TNFAIP6: variants seen among roughly 807,000 people sequenced by gnomAD.
The protein encoded by TNFAIP6 is TNF alpha induced protein 6.
Under a neutral mutation model 33.7 loss-of-function variants are expected in TNFAIP6, and 36 were observed. That is an observed-to-expected ratio of 1.07 (90% confidence interval 0.82 to 1.41). The LOEUF is 1.41. Among genes scored for constraint, TNFAIP6 ranks in the 40% most tolerant of loss-of-function variants. The pLI, the probability that TNFAIP6 is intolerant of heterozygous loss-of-function variation, is 0.00. For missense variants in TNFAIP6, 273 were observed against 331.9 expected (o/e 0.82, Z 1.38); for synonymous variants, 113 against 112.8 (o/e 1.00, Z -0.01).
chr2:151,367,869 T>A (rs199701203), intron 3 of TNFAIP6, among the ~76,000 whole-genome samples: 180 of 151,324 alleles, frequency 1.2e-3, no homozygotes, highest in African/African-American at 4.2e-3. Context: ...AAAAAAAAAA[T>A]AATGGCTTCA....
intron 5 of TNFAIP6, among the ~76,000 whole-genome samples, chr2:151,377,200 C>T (rs1010587732): frequency 6.1e-5 from 9 of 146,856 alleles, no homozygotes; most frequent in South Asian, 2.1e-4. Flanking sequence ...GAGTGAGTCT[C>T]GCTCTGTCGC....
rs903730413 is a variant in TNFAIP6, at chr2:151,379,421, A to G, written c.722A>G (p.Gln241Arg). Reference sequence around the variant, plus strand: ...GCTTCAGTGACAGCTGGAGGTTTCCAAATCAAATATGTTGCAATGGATCCT... The same window carrying G: ...GCTTCAGTGACAGCTGGAGGTTTCCGAATCAAATATGTTGCAATGGATCCT... ...SDASVTAGGFQIKYVAMDPVS... is the reference protein window; with the variant it reads ...SDASVTAGGFRIKYVAMDPVS... Residue 241 changes from glutamine to arginine, a missense_variant, in exon 6 of 6, where the codon CAA becomes CGA. By Grantham distance (43) the Gln-to-Arg change is conservative (BLOSUM62 1). Transcript: ENST00000243347. The G allele has an allele frequency of 1.2e-5, 19 of 1,610,138 alleles. No individual in the cohort carries two copies. The highest frequency in any genetic ancestry group is 1.6e-5 in the Non-Finnish European group (19 of 1,178,440).
intron 1 of TNFAIP6, among the ~76,000 whole-genome samples, chr2:151,361,337 A>C (rs2152011889): frequency 6.6e-6 from 1 of 152,228 alleles, no homozygotes. Context: ...CAGCCTCCCA[A>C]AGTGCTGGAA....
intron 5 of TNFAIP6, among the ~76,000 whole-genome samples, chr2:151,377,737 T>G (rs1684941430): frequency 6.6e-6 from 1 of 152,238 alleles, no homozygotes; most frequent in Non-Finnish European, 1.5e-5. Flanking sequence ...TTTCTCTTTT[T>G]TATTTCTTTG....
intron 5 of TNFAIP6, among the ~76,000 whole-genome samples, chr2:151,377,075 G>A (rs1287381379): frequency 6.6e-6 from 1 of 151,968 alleles, no homozygotes; most frequent in Non-Finnish European, 1.5e-5. Context: ...CTGAATTCAA[G>A]CTGTCCTCCT....
In TNFAIP6 at chr2:151,369,950, T is replaced by A. The variant is rs537117546; in HGVS notation, c.395-70T>A. The A allele has an allele frequency of 1.3e-5, 16 of 1,198,066 alleles. No homozygotes were observed. The South Asian group carries it at 2.1e-4, about 16-fold the overall frequency. The allele number at this position is 1,198,066 out of a possible 1,614,324, so 74.2% of individuals were successfully genotyped here. On this transcript the variant is annotated intron_variant, in intron 3 of 5. Transcript: ENST00000243347. Reference sequence around the variant, plus strand: ...AAAAGTAATAGATTGCTAAGAAATGTCATTTTTAACAGGGATAATGTTTTT... The same window carrying A: ...AAAAGTAATAGATTGCTAAGAAATGACATTTTTAACAGGGATAATGTTTTT...
Position 151,357,655 on chromosome 2 carries a change from A to G in TNFAIP6, c.-12A>G, listed in dbSNP as rs374471631. ...GCCCCTAACAGGCTGTTACTTCACT[A>G]CAACTGACGATATGATCATCTTAAT... On this transcript the variant is annotated 5_prime_UTR_variant, in exon 1 of 6. Transcript: ENST00000243347. The G allele has an allele frequency of 4.1e-5, 65 of 1,573,136 alleles. No individual in the cohort carries two copies. The highest frequency in any genetic ancestry group is 5.4e-5 in the Non-Finnish European group (62 of 1,143,110).
At chr2:151,370,722 T>C (rs1362371347) in intron 4 of TNFAIP6, among the ~76,000 whole-genome samples, 2 of 152,184 alleles carry the variant, frequency 1.3e-5, no homozygotes, top group South Asian at 2.1e-4. Flanking sequence ...AAGAAAGATA[T>C]GTGAGTTGCA....
At chr2:151,368,539 A>G (rs1487435560) in intron 3 of TNFAIP6, 2 of 151,842 alleles carry the variant, frequency 1.3e-5, no homozygotes, top group East Asian at 3.9e-4. Flanking sequence ...TTTGTTTTAT[A>G]TGTGTTTGTT....
chr2:151,362,495 T>G (rs1297771673), intron 1 of TNFAIP6, among the ~76,000 whole-genome samples: 8 of 117,512 alleles, frequency 6.8e-5, no homozygotes, highest in Non-Finnish European at 1.3e-4. Context: ...TTTTTTTTTT[T>G]TTTTTTTTTT....
At chr2:151,369,139 G>A (rs1286087728) in intron 3 of TNFAIP6, among the ~76,000 whole-genome samples, 4 of 152,126 alleles carry the variant, frequency 2.6e-5, no homozygotes, top group South Asian at 2.1e-4. Context: ...ACAGTGAGCC[G>A]AGATTGTGCC....
At chr2:151,367,723 A>G (rs894695161) in intron 3 of TNFAIP6, among the ~76,000 whole-genome samples, 3 of 152,066 alleles carry the variant, frequency 2.0e-5, no homozygotes, top group African/African-American at 7.2e-5. Flanking sequence ...ATTTGTTTTT[A>G]CCCAATTCTC....
chr2:151,360,460 C>G (rs181274202), intron 1 of TNFAIP6, among the ~76,000 whole-genome samples: 1 of 152,062 alleles, frequency 6.6e-6, no homozygotes, highest in South Asian at 2.1e-4. Context: ...TTTCTACTGC[C>G]GCCACTCACT....
chr2:151,361,886 G>A (rs921995412), intron 1 of TNFAIP6, among the ~76,000 whole-genome samples: 1 of 152,192 alleles, frequency 6.6e-6, no homozygotes, highest in Non-Finnish European at 1.5e-5. Flanking sequence ...CTCTGTGTGT[G>A]AGTAATGGGA....
intron 4 of TNFAIP6, among the ~76,000 whole-genome samples, chr2:151,371,676 C>T (rs1490440007): frequency 6.6e-6 from 1 of 151,724 alleles, no homozygotes; most frequent in Non-Finnish European, 1.5e-5. Flanking sequence ...CTCACTGCAA[C>T]CTCTGCCTCC....
chr2:151,359,069 A>G (rs1335121021), intron 1 of TNFAIP6, among the ~76,000 whole-genome samples: 1 of 152,198 alleles, frequency 6.6e-6, no homozygotes, highest in Admixed American at 6.5e-5. Flanking sequence ...AAACCTGGAC[A>G]ATAGAAGTTT....
intron 3 of TNFAIP6, among the ~76,000 whole-genome samples, chr2:151,367,182 C>T (rs1006205537): frequency 6.6e-6 from 1 of 152,044 alleles, no homozygotes; most frequent in Non-Finnish European, 1.5e-5. Context: ...CTGTAACTAA[C>T]CTATATCTCA....
At chr2:151,368,968 C>T (rs1052106975) in intron 3 of TNFAIP6, among the ~76,000 whole-genome samples, 1 of 152,094 alleles carries the variant, frequency 6.6e-6, no homozygotes, top group African/African-American at 2.4e-5. Context: ...TGAGGTGGGT[C>T]GATCACCAGA....
At chr2:151,371,545 A>G (rs1684815277) in intron 4 of TNFAIP6, among the ~76,000 whole-genome samples, 1 of 152,136 alleles carries the variant, frequency 6.6e-6, no homozygotes, top group African/African-American at 2.4e-5. Context: ...AGAGTTTTTT[A>G]AGGGAAAATA....
Sources: allele counts gnomAD v4.1 joint callset (sites outside exome capture counted in the v4.1 genomes callset), GRCh38; gene constraint gnomAD v4.1.1; transcripts MANE v1.5; gene names NCBI Gene and HGNC (gene_info 2026-07-23, HGNC 2026-07-21).